Variants in FAT3 observed in about 807,000 individuals in gnomAD.
FAT3 encodes FAT atypical cadherin 3.
A neutral mutation model predicts 310.2 loss-of-function variants in FAT3; 95 were observed. The observed-to-expected ratio is 0.31, with a 90% confidence interval of 0.26 to 0.36. The LOEUF (loss-of-function observed/expected upper bound fraction) is 0.36, where lower values mean the gene tolerates loss of function less well. Ranked by LOEUF, FAT3 falls within the 10% of genes least tolerant of loss-of-function variation. The pLI is 1.00. For synonymous variants in FAT3, 2,314 were observed against 2,192.9 expected, an observed-to-expected ratio of 1.06 and a Z score of -1.54; for missense variants, 5,408 against 5,715.6, an observed-to-expected ratio of 0.95 and a Z score of 1.74.
At chr11:92,849,266 A>C (rs574431595) in intron 19 of FAT3, among the ~76,000 whole-genome samples, 1 of 152,288 alleles carries the variant, frequency 6.6e-6, no homozygotes, top group African/African-American at 2.4e-5. Flanking sequence ...ATTTGAAAGA[A>C]ACTCAGAAGT....
chr11:92,557,008 T>C (rs1166592461), intron 3 of FAT3, among the ~76,000 whole-genome samples: 1 of 152,132 alleles, frequency 6.6e-6, no homozygotes, highest in Non-Finnish European at 1.5e-5. Flanking sequence ...CATTCATATC[T>C]TGTTTTCAGC....
rs1193707499 is a variant in FAT3, at chr11:92,866,799, G to C, written c.11717G>C (p.Gly3906Ala). The C allele has an allele frequency of 1.2e-6, 2 of 1,613,786 alleles. No homozygotes were observed. Among genetic ancestry groups the C allele is most frequent in the Non-Finnish European group, 1.7e-6 (2 of 1,179,884 alleles). ...LDCGSGPGIL[G>A]ISGRAVNDGS... ...TGCGGCAGCGGCCCTGGAATCTTGG[G>C]CATCTCGGGCCGTGCTGTCAACGAC... is the stretch of plus-strand genomic sequence containing the variant. Residue 3906 changes from glycine to alanine, a missense_variant, in exon 22 of 28, where the codon GGC becomes GCC. This residue lies in a region of FAT3 where 4,588 missense variants were observed against 4,809.8 expected (regional missense o/e 0.95). Coordinates refer to ENST00000525166, the MANE Select transcript of FAT3 (RefSeq NM_001367949.2).
intron 2 of FAT3, among the ~76,000 whole-genome samples, chr11:92,515,205 G>A (rs961786609): frequency 2.6e-5 from 4 of 152,216 alleles, no homozygotes; most frequent in African/African-American, 9.6e-5. Flanking sequence ...GATGGAAGGA[G>A]ACCCCTTTCT....
At chr11:92,643,772 A>G (rs752536225) in intron 3 of FAT3, among the ~76,000 whole-genome samples, 11 of 152,222 alleles carry the variant, frequency 7.2e-5, no homozygotes, top group Non-Finnish European at 1.2e-4. Context: ...TTGTGTGCAA[A>G]CACACCAAGC....
intron 4 of FAT3, among the ~76,000 whole-genome samples, chr11:92,743,141 T>A (rs1023766782): frequency 7.2e-5 from 11 of 152,224 alleles, no homozygotes; most frequent in African/African-American, 1.9e-4. Context: ...TTCTTTTGCT[T>A]AGACTCCCTT....
intron 3 of FAT3, among the ~76,000 whole-genome samples, chr11:92,615,732 G>T (rs1305429475): frequency 3.9e-5 from 6 of 152,116 alleles, no homozygotes; most frequent in African/African-American, 1.4e-4. Flanking sequence ...ATTTCATTAT[G>T]TACCCAGTAG....
intron 1 of FAT3, among the ~76,000 whole-genome samples, chr11:92,299,570 G>A (rs1251930397): frequency 2.0e-5 from 3 of 152,068 alleles, no homozygotes; most frequent in East Asian, 3.9e-4. Flanking sequence ...TGACTGATCC[G>A]ATGTCGAGCA....
intron 4 of FAT3, among the ~76,000 whole-genome samples, chr11:92,756,721 G>A (rs1423531534): frequency 6.6e-6 from 1 of 152,030 alleles, no homozygotes; most frequent in African/African-American, 2.4e-5. Flanking sequence ...TTCAGTGAGT[G>A]AGAAGTGTGC....
In FAT3 at chr11:92,654,129, C is replaced by T. The variant is rs564561170; in HGVS notation, c.3608-43255C>T. Among the ~76,000 whole-genome samples the T allele has an allele frequency of 5.9e-5, 9 of 152,286 alleles. No homozygotes were observed. In the South Asian group the frequency reaches 1.4e-3, roughly 25 times the overall value. On this transcript the variant is annotated intron_variant, in intron 3 of 27. Coordinates refer to ENST00000525166, the MANE Select transcript of FAT3 (RefSeq NM_001367949.2). ...AAAGGACTTTAGCTATATTGTACCC[C>T]GCTGCAGCATTCAGGAGATAAACTG... is the stretch of plus-strand genomic sequence containing the variant.
chr11:92,855,662 G>A (rs137987829), intron 19 of FAT3, among the ~76,000 whole-genome samples: 48 of 152,320 alleles, frequency 3.2e-4, no homozygotes, highest in African/African-American at 1.2e-3. Flanking sequence ...CAGGACTACA[G>A]ATTTGGTTGG....
intron 3 of FAT3, among the ~76,000 whole-genome samples, chr11:92,577,080 A>T (rs1274253168): frequency 1.3e-5 from 2 of 151,980 alleles, no homozygotes; most frequent in African/African-American, 4.8e-5. Flanking sequence ...ATTATGTGTC[A>T]GGCATTACCT....
chr11:92,755,753 C>A (rs1374588093), intron 4 of FAT3, among the ~76,000 whole-genome samples: 1 of 152,162 alleles, frequency 6.6e-6, no homozygotes, highest in African/African-American at 2.4e-5. Flanking sequence ...CTGAGTTCCT[C>A]TTACCAAATA....
chr11:92,736,554 C>A (rs556624576), intron 4 of FAT3, among the ~76,000 whole-genome samples: 2 of 152,208 alleles, frequency 1.3e-5, no homozygotes, highest in Admixed American at 1.3e-4. Flanking sequence ...TCTGATCAGA[C>A]CCACACAAGA....
intron 1 of FAT3, among the ~76,000 whole-genome samples, chr11:92,345,561 C>A (rs189958757): frequency 1.3e-5 from 2 of 152,084 alleles, no homozygotes; most frequent in African/African-American, 2.4e-5. Flanking sequence ...ATTTAACAAG[C>A]CTTATGATGG....
chr11:92,754,627 C>CAAAA lies in FAT3; in HGVS notation c.3670-7214_3670-7211dup, dbSNP rs71064722. Among the ~76,000 whole-genome samples, 26 of 32,712 alleles carry CAAAA rather than the reference C, an allele frequency of 7.9e-4. No homozygotes were observed. The East Asian group carries it at 0.02, about 25-fold the overall frequency. 21.5% of individuals were successfully genotyped at this position (32,712 alleles called of 152,430 possible). ...TGGGCGACAGAGGAAGACTCTGCCT[C>CAAAA]AAAAAAAAAAAAAAAAAAGGAGATA... On this transcript the variant is annotated intron_variant, in intron 4 of 27. Transcript: ENST00000525166.
At chr11:92,660,561 G>T (rs1942747619) in intron 3 of FAT3, among the ~76,000 whole-genome samples, 1 of 152,174 alleles carries the variant, frequency 6.6e-6, no homozygotes, top group Admixed American at 6.5e-5. Flanking sequence ...GCTCTTGCCA[G>T]TGGAATCTTG....
intron 1 of FAT3, among the ~76,000 whole-genome samples, chr11:92,293,863 T>C (rs1193470245): frequency 6.6e-6 from 1 of 152,042 alleles, no homozygotes; most frequent in East Asian, 1.9e-4. Flanking sequence ...GGAAGTTTTA[T>C]GTTACCCAGA....
At chr11:92,870,998 C>T (rs1949374863) in intron 22 of FAT3, among the ~76,000 whole-genome samples, 1 of 152,168 alleles carries the variant, frequency 6.6e-6, no homozygotes, top group Non-Finnish European at 1.5e-5. Flanking sequence ...CCTAGTATCA[C>T]ATAGCTAGTA....
intron 2 of FAT3, among the ~76,000 whole-genome samples, chr11:92,447,771 T>C (rs2135107321): frequency 6.6e-6 from 1 of 152,186 alleles, no homozygotes; most frequent in African/African-American, 2.4e-5. Context: ...GAAGAAGAAG[T>C]GGAACGAGAA....
Sources: gnomAD v4.1 joint callset for allele counts (sites outside exome capture counted in the v4.1 genomes callset) on GRCh38, gnomAD v4.1.1 for gene constraint, gnomAD v4.1.1 regional missense constraint, MANE v1.5 for transcripts, NCBI Gene and HGNC (gene_info 2026-07-23, HGNC 2026-07-21) for gene names.